Variants in PPM1H observed in about 807,000 individuals in gnomAD.
PPM1H encodes protein phosphatase, Mg2+/Mn2+ dependent 1H.
PPM1H carries 27 observed loss-of-function variants against 54.9 expected under a neutral mutation model. The observed-to-expected ratio is 0.49, with a 90% confidence interval of 0.36 to 0.68. The LOEUF is 0.68. Among genes scored for constraint, PPM1H ranks in the 30% least tolerant of loss-of-function variants. The probability of loss-of-function intolerance (pLI) is 0.00; values close to 1 mark genes in which losing one functional copy is unlikely to be tolerated. For missense variants in PPM1H, 596 were observed against 667.8 expected (o/e 0.89, Z 1.19); for synonymous variants, 305 against 270.8 (o/e 1.13, Z -1.24).
chr12:62,849,925 A>G (rs990098653), intron 1 of PPM1H, among the ~76,000 whole-genome samples: 3 of 152,168 alleles, frequency 2.0e-5, no homozygotes, highest in Non-Finnish European at 4.4e-5. Flanking sequence ...TAGAAATTAT[A>G]AATAGCAATT....
chr12:62,764,030 CTT>C (rs1380761201), intron 4 of PPM1H, among the ~76,000 whole-genome samples: 1 of 152,234 alleles, frequency 6.6e-6, no homozygotes, highest in Non-Finnish European at 1.5e-5. Context: ...GCTGCCTTTT[CTT>C]TGTCTGCACT....
chr12:62,876,341 C>T (rs952965652), intron 1 of PPM1H, among the ~76,000 whole-genome samples: 2 of 152,148 alleles, frequency 1.3e-5, no homozygotes, highest in Non-Finnish European at 2.9e-5. Context: ...TCTAGCAAAC[C>T]TTAGGCTTCA....
chr12:62,766,817 T>C (rs1303469860), intron 4 of PPM1H, among the ~76,000 whole-genome samples: 2 of 152,206 alleles, frequency 1.3e-5, no homozygotes, highest in African/African-American at 2.4e-5. Flanking sequence ...AGCTTCAGGC[T>C]TTACCAGGGA....
intron 3 of PPM1H, among the ~76,000 whole-genome samples, chr12:62,796,274 G>C (rs1017156824): frequency 1.5e-4 from 23 of 152,252 alleles, no homozygotes; most frequent in African/African-American, 4.3e-4. Context: ...GCGTCCTCCA[G>C]TTCAATTCCA....
At chr12:62,840,674 G>C (rs933121297) in intron 1 of PPM1H, among the ~76,000 whole-genome samples, 66 of 152,282 alleles carry the variant, frequency 4.3e-4, no homozygotes, top group African/African-American at 1.5e-3. Context: ...AAGATGTTGT[G>C]AAGTTTATAA....
chr12:62,661,548 C>T (rs1408591606), intron 9 of PPM1H, among the ~76,000 whole-genome samples: 1 of 152,114 alleles, frequency 6.6e-6, no homozygotes, highest in African/African-American at 2.4e-5. Context: ...TTACAGGTGC[C>T]ACCATGCCCA....
chr12:62,786,517 G>A (rs1222546822), intron 4 of PPM1H, among the ~76,000 whole-genome samples: 1 of 152,246 alleles, frequency 6.6e-6, no homozygotes, highest in Non-Finnish European at 1.5e-5. Flanking sequence ...GCAGAGAGAA[G>A]TCAGCATATC....
At chr12:62,690,562 C>T (rs1384692963) in intron 7 of PPM1H, among the ~76,000 whole-genome samples, 1 of 152,220 alleles carries the variant, frequency 6.6e-6, no homozygotes, top group East Asian at 1.9e-4. Flanking sequence ...ACACAGTCAG[C>T]TTAAATATCT....
intron 1 of PPM1H, among the ~76,000 whole-genome samples, chr12:62,879,301 G>A (rs1349539936): frequency 2.6e-5 from 4 of 152,172 alleles, no homozygotes; most frequent in Admixed American, 1.3e-4. Flanking sequence ...AGAATATTCT[G>A]TAGTGCTTCA....
chr12:62,817,895 G>C (rs1023279436), intron 2 of PPM1H, among the ~76,000 whole-genome samples: 1 of 152,088 alleles, frequency 6.6e-6, no homozygotes, highest in Admixed American at 6.5e-5. Flanking sequence ...CCTGCTGATG[G>C]TCTTGGCCGA....
intron 4 of PPM1H, among the ~76,000 whole-genome samples, chr12:62,741,923 C>A (rs1565775028): frequency 6.6e-6 from 1 of 151,890 alleles, no homozygotes; most frequent in Admixed American, 6.6e-5. Flanking sequence ...TATTATATAA[C>A]TTATAGTCTG....
rs533170177 is a variant in PPM1H at position 62,763,469 on chromosome 12, G to A, written c.869+24757C>T. 2.0e-4 allele frequency among the ~76,000 whole-genome samples: 31 copies of A among 152,332 alleles called. No homozygotes were observed. In the South Asian group the frequency reaches 5.6e-3, roughly 27 times the overall value. ...ATCACCTGCTTTGCATGCAGCAGTT[G>A]CTTTTCAGCTGTGAGACTAATTGTT... On this transcript the variant is annotated intron_variant, in intron 4 of 9. Transcript: ENST00000228705.
intron 1 of PPM1H, among the ~76,000 whole-genome samples, chr12:62,898,421 C>A (rs114550958): frequency 1.3e-5 from 2 of 152,152 alleles, no homozygotes; most frequent in African/African-American, 4.8e-5. Flanking sequence ...AAGGAAAAAA[C>A]GCACTGAAAA....
At chr12:62,788,559 C>T in intron 3 of PPM1H, 1 of 422,820 alleles carries the variant, frequency 2.4e-6, no homozygotes, top group Middle Eastern at 6.3e-4. Flanking sequence ...AGACAGGAAA[C>T]AATAGACAGC....
rs557558684 is a variant in PPM1H, at chr12:62,865,557, A to C, written c.246-33278T>G. Among the ~76,000 whole-genome samples, 3 of 152,096 alleles carry C rather than the reference A, an allele frequency of 2.0e-5. No homozygotes were observed. In the South Asian group the frequency reaches 6.2e-4, roughly 32 times the overall value. ...GTCATTTTTTTAAAATCTCTTCTAG[A>C]TTATTAAAGGTCTCACTTAACCTCC... On this transcript the variant is annotated intron_variant, in intron 1 of 9. Coordinates refer to ENST00000228705, the MANE Select transcript of PPM1H (RefSeq NM_020700.2).
chr12:62,885,072 A>G (rs77537415), intron 1 of PPM1H, among the ~76,000 whole-genome samples: 2 of 152,166 alleles, frequency 1.3e-5, no homozygotes, highest in Non-Finnish European at 2.9e-5. Context: ...GACAAAAGAA[A>G]ATAGGGAAGA....
At chr12:62,862,668 C>T (rs1296565240) in intron 1 of PPM1H, among the ~76,000 whole-genome samples, 2 of 152,100 alleles carry the variant, frequency 1.3e-5, no homozygotes, top group East Asian at 3.9e-4. Context: ...ATGAAACAAA[C>T]CTAGAAGTAG....
intron 1 of PPM1H, among the ~76,000 whole-genome samples, chr12:62,915,450 G>A (rs4762983): frequency 0.085 from 12,946 of 152,308 alleles, 753 homozygotes; most frequent in Admixed American, 0.18. Context: ...TGCAGGAAAC[G>A]TCCAGGTGAT....
intron 5 of PPM1H, among the ~76,000 whole-genome samples, chr12:62,733,344 TC>T (rs2076333641): frequency 6.6e-6 from 1 of 152,148 alleles, no homozygotes; most frequent in Admixed American, 6.5e-5. Context: ...AACCTCCGCC[TC>T]CCAGGTTCAA....
Sources: gnomAD v4.1 joint callset for allele counts (sites outside exome capture counted in the v4.1 genomes callset) on GRCh38, gnomAD v4.1.1 for gene constraint, MANE v1.5 for transcripts, NCBI Gene and HGNC (gene_info 2026-07-23, HGNC 2026-07-21) for gene names.